Variants in FIGN observed in about 807,000 individuals in gnomAD.
FIGN encodes fidgetin, microtubule severing factor.
In FIGN, 11 loss-of-function variants were observed where a neutral mutation model predicts 51.3. That is an observed-to-expected ratio of 0.21 (90% CI 0.13 to 0.35). FIGN has a LOEUF of 0.35. FIGN is among the 10% of genes least tolerant of loss of function. The probability of loss-of-function intolerance (pLI) is 1.00; values close to 1 mark genes in which losing one functional copy is unlikely to be tolerated. For missense variants in FIGN, 857 were observed against 943.6 expected (o/e 0.91, Z 1.20); for synonymous variants, 407 against 363.2 (o/e 1.12, Z -1.37).
At chr2:163,664,669 C>A (rs1016964000) in intron 2 of FIGN, among the ~76,000 whole-genome samples, 1 of 152,176 alleles carries the variant, frequency 6.6e-6, no homozygotes, top group Non-Finnish European at 1.5e-5. Context: ...CATGAAACAG[C>A]GCTGCCCTAG....
chr2:163,636,961 C>A (rs1162460238), intron 2 of FIGN, among the ~76,000 whole-genome samples: 1 of 152,062 alleles, frequency 6.6e-6, no homozygotes, highest in Non-Finnish European at 1.5e-5. Context: ...CGCCTGTAGT[C>A]CCAGCTAATT....
intron 2 of FIGN, among the ~76,000 whole-genome samples, chr2:163,674,830 A>G (rs1383088439): frequency 1.3e-5 from 2 of 152,142 alleles, no homozygotes; most frequent in Non-Finnish European, 2.9e-5. Context: ...CAAAAAAAAA[A>G]TAGTAAGAGT....
chr2:163,734,882 T>G (rs1472055982), intron 2 of FIGN, 21 bp downstream of exon 2: 9 of 1,600,024 alleles, frequency 5.6e-6, no homozygotes, highest in Non-Finnish European at 7.7e-6. Flanking sequence ...GCAAAGGAAG[T>G]AAATTCCAAA....
intron 2 of FIGN, among the ~76,000 whole-genome samples, chr2:163,710,281 T>C (rs548791336): frequency 1.3e-5 from 2 of 152,266 alleles, no homozygotes; most frequent in African/African-American, 4.8e-5. Flanking sequence ...TGGAGGTCTA[T>C]GATCCTTAGA....
Position 163,609,182 on chromosome 2 carries a change from A to G in FIGN, c.*370T>C, listed in dbSNP as rs535288221. 4.1e-5 allele frequency: 8 copies of G among 195,846 alleles called. No homozygotes were observed. In the East Asian group the frequency reaches 5.1e-4, roughly 13 times the overall value. 12.1% of individuals were successfully genotyped at this position (195,846 alleles called of 1,614,324 possible). A position where few individuals can be genotyped will look rare whatever the true frequency, so the allele number is the denominator to read the frequency against. Reference sequence around the variant, plus strand: ...CAATGTAATTGTGAGGCAAACAAAAAATAAAGCACCACTCCAGGCACTTGA... The same window carrying G: ...CAATGTAATTGTGAGGCAAACAAAAGATAAAGCACCACTCCAGGCACTTGA... On this transcript the variant is annotated 3_prime_UTR_variant, in exon 3 of 3. Coordinates refer to ENST00000333129, the MANE Select transcript of FIGN (RefSeq NM_018086.4).
intron 2 of FIGN, among the ~76,000 whole-genome samples, chr2:163,712,982 G>A (rs965802588): frequency 2.7e-4 from 41 of 152,054 alleles, no homozygotes; most frequent in African/African-American, 4.6e-4. Context: ...CCTAATAAAC[G>A]TATCTGGTCA....
chr2:163,643,951 A>AAAAAAAAAAAAAAAAAAAAAC (rs1683344529), intron 2 of FIGN, among the ~76,000 whole-genome samples: 1 of 148,356 alleles, frequency 6.7e-6, no homozygotes, highest in Non-Finnish European at 1.5e-5. Flanking sequence ...AAAAAAAAAA[A>AAAAAAAAAAAAAAAAAAAAAC]AAAAAAAGTC....
At chr2:163,693,624 C>CA (rs1257240133) in intron 2 of FIGN, among the ~76,000 whole-genome samples, 1 of 152,154 alleles carries the variant, frequency 6.6e-6, no homozygotes, top group East Asian at 1.9e-4. Context: ...AACATACACA[C>CA]ACACACTTAC....
intron 2 of FIGN, among the ~76,000 whole-genome samples, chr2:163,686,645 A>T (rs868325845): frequency 1.3e-5 from 2 of 152,184 alleles, no homozygotes; most frequent in Middle Eastern, 3.4e-3. Context: ...TTTGAGACCA[A>T]ATATTATCAA....
At chr2:163,695,318 A>C (rs1169632398) in intron 2 of FIGN, among the ~76,000 whole-genome samples, 1 of 151,958 alleles carries the variant, frequency 6.6e-6, no homozygotes, top group Non-Finnish European at 1.5e-5. Flanking sequence ...GGCACATGGA[A>C]CTTGTGATTT....
Position 163,611,489 on chromosome 2 carries a change from A to G in FIGN, c.343T>C (p.Ser115Pro), listed in dbSNP as rs1230197100. ...CAGTTCATGGGATAAACAGCTTCTG[A>G]ATTCAAGGAAGGCTGCCAGGGTTCA... ...ESEPWQPSLNSEAVYPMNCVP... is the reference protein window; with the variant it reads ...ESEPWQPSLNPEAVYPMNCVP... Residue 115 changes from serine to proline, a missense_variant, in exon 3 of 3, where the codon TCA becomes CCA. Coordinates refer to ENST00000333129, the MANE Select transcript of FIGN (RefSeq NM_018086.4). 6.2e-7 allele frequency: 1 copy of G among 1,614,074 alleles called. No individual in the cohort carries two copies. Among genetic ancestry groups the G allele is most frequent in the African/African-American group, 1.3e-5 (1 of 74,934 alleles).
At chr2:163,660,842 CAT>C (rs1344589232) in intron 2 of FIGN, among the ~76,000 whole-genome samples, 725 of 38,024 alleles carry the variant, frequency 0.019, 249 homozygotes, top group Non-Finnish European at 0.028. Context: ...TACATATATA[CAT>C]ATATATATGT....
Position 163,609,807 on chromosome 2 carries a change from G to T in FIGN, c.2025C>A (p.Asp675Glu). The part of the protein sequence containing the change: ...LLSQHNYCLN[D>E]KEFALLVQRT... ...GCTGGACGAGCAGTGCAAACTCCTTGTCATTGAGACAGTAATTGTGCTGTG... is the reference window on the plus strand; with the variant it reads ...GCTGGACGAGCAGTGCAAACTCCTTTTCATTGAGACAGTAATTGTGCTGTG... Residue 675 changes from aspartate (D) to glutamate (E), a missense_variant, in exon 3 of 3, where the codon GAC becomes GAA. By Grantham distance (45) the Asp-to-Glu change is conservative. Coordinates refer to ENST00000333129, the MANE Select transcript of FIGN (RefSeq NM_018086.4). 1 of 1,614,118 alleles carries T rather than the reference G, an allele frequency of 6.2e-7. No individual in the cohort carries two copies. The highest frequency in any genetic ancestry group is 8.5e-7 in the Non-Finnish European group (1 of 1,180,026).
chr2:163,604,704 A>T lies in FIGN; in HGVS notation c.*4848T>A, dbSNP rs972629360. ...TGAATATACATCAGATGAAAAAAGA[A>T]AAAAAAGAAATGAATATTCTCTAGC... On this transcript the variant is annotated 3_prime_UTR_variant, in exon 3 of 3. Coordinates refer to ENST00000333129, the MANE Select transcript of FIGN (RefSeq NM_018086.4). The T allele has an allele frequency of 2.6e-5, 4 of 151,894 alleles. No individual in the cohort carries two copies. Among genetic ancestry groups the T allele is most frequent in the Non-Finnish European group, 5.9e-5 (4 of 67,878 alleles). The allele number at this position is 151,894 out of a possible 1,614,324, so 9.4% of individuals were successfully genotyped here.
chr2:163,628,467 G>T (rs564283907), intron 2 of FIGN, among the ~76,000 whole-genome samples: 7 of 152,246 alleles, frequency 4.6e-5, no homozygotes, highest in African/African-American at 1.4e-4. Flanking sequence ...CCAGATAGAG[G>T]TACATACGAA....
intron 2 of FIGN, among the ~76,000 whole-genome samples, chr2:163,649,402 G>A (rs923181657): frequency 2.6e-5 from 4 of 152,100 alleles, no homozygotes; most frequent in African/African-American, 9.7e-5. Flanking sequence ...TCTGCTTTTG[G>A]GGGTCTGACT....
rs531587879 is a variant in FIGN at position 163,722,754 on chromosome 2, G to A, written c.25+12149C>T. ...ATATAATTATAAAACTATTTTTCAGGGTTATAAAGTCTTTCTTTGGTAATA... is the reference window on the plus strand; with the variant it reads ...ATATAATTATAAAACTATTTTTCAGAGTTATAAAGTCTTTCTTTGGTAATA... On this transcript the variant is annotated intron_variant, in intron 2 of 2. Transcript: ENST00000333129. Among the ~76,000 whole-genome samples, 33 of 151,232 alleles carry A rather than the reference G, an allele frequency of 2.2e-4. No homozygotes were observed. In the South Asian group the frequency reaches 6.7e-3, roughly 31 times the overall value.
At chr2:163,637,460 T>C (rs1417786464) in intron 2 of FIGN, among the ~76,000 whole-genome samples, 2 of 152,190 alleles carry the variant, frequency 1.3e-5, no homozygotes, top group Admixed American at 6.5e-5. Flanking sequence ...TGCTGACTTC[T>C]GGCATCTAAG....
chr2:163,657,293 T>G (rs1683576593), intron 2 of FIGN, among the ~76,000 whole-genome samples: 1 of 152,266 alleles, frequency 6.6e-6, no homozygotes, highest in South Asian at 2.1e-4. Flanking sequence ...GAACTTTGTT[T>G]TAGGAAGCCT....
Sources: gnomAD v4.1 joint callset for allele counts (sites outside exome capture counted in the v4.1 genomes callset) on GRCh38, gnomAD v4.1.1 for gene constraint, MANE v1.5 for transcripts, NCBI Gene and HGNC (gene_info 2026-07-23, HGNC 2026-07-21) for gene names.